CSMD1: variants seen among roughly 807,000 people sequenced by gnomAD.
CSMD1 encodes CUB and Sushi multiple domains 1.
In CSMD1, 213 loss-of-function variants were observed where a neutral mutation model predicts 417.5. The ratio of observed to expected loss-of-function variants is 0.51; its 90% CI spans 0.46 to 0.57. The LOEUF is 0.57. Among genes scored for constraint, CSMD1 ranks in the 20% least tolerant of loss-of-function variants. CSMD1 has a pLI of 0.00. For synonymous variants in CSMD1, 2,862 were observed against 1,736.8 expected, an observed-to-expected ratio of 1.65 and a Z score of -16.11; for missense variants, 6,923 against 4,529.7, an observed-to-expected ratio of 1.53 and a Z score of -15.17.
At chr8:3,503,055 A>G (rs1051984948) in intron 10 of CSMD1, among the ~76,000 whole-genome samples, 2 of 152,202 alleles carry the variant, frequency 1.3e-5, no homozygotes, top group Non-Finnish European at 2.9e-5. Flanking sequence ...CTCTAAAAAT[A>G]AAACCTAATA....
intron 7 of CSMD1, among the ~76,000 whole-genome samples, chr8:3,634,053 A>C (rs1409586268): frequency 2.7e-5 from 4 of 149,648 alleles, no homozygotes; most frequent in Admixed American, 6.6e-5. Context: ...GGGCTGACTC[A>C]GCACATCTGG....
At chr8:4,416,337 A>C (rs775968968) in intron 3 of CSMD1, among the ~76,000 whole-genome samples, 1 of 152,168 alleles carries the variant, frequency 6.6e-6, no homozygotes, top group Non-Finnish European at 1.5e-5. Flanking sequence ...TAAAAAGTCA[A>C]CCTAAATTAT....
At chr8:4,815,357 C>T (rs960021525) in intron 1 of CSMD1, among the ~76,000 whole-genome samples, 3 of 152,076 alleles carry the variant, frequency 2.0e-5, no homozygotes, top group Middle Eastern at 3.2e-3. Flanking sequence ...GTGGACAGAG[C>T]CAGCTTGTGG....
intron 3 of CSMD1, among the ~76,000 whole-genome samples, chr8:4,200,375 T>C (rs143225655): frequency 1.6e-3 from 249 of 152,154 alleles, no homozygotes; most frequent in African/African-American, 5.3e-3. Flanking sequence ...TTAAAAGAAA[T>C]ACAACTTTAA....
At chr8:3,615,645 C>A (rs1188759051) in intron 8 of CSMD1, among the ~76,000 whole-genome samples, 1 of 152,148 alleles carries the variant, frequency 6.6e-6, no homozygotes, top group African/African-American at 2.4e-5. Context: ...TTTAAAACGA[C>A]CGTTGTTACT....
intron 2 of CSMD1, among the ~76,000 whole-genome samples, chr8:4,512,715 G>C (rs951858857): frequency 2.0e-4 from 31 of 151,332 alleles, no homozygotes; most frequent in Admixed American, 9.9e-4. Flanking sequence ...GAAATACTTA[G>C]ATATAAATCT....
chr8:3,671,927 G>C (rs1200208044), intron 7 of CSMD1, among the ~76,000 whole-genome samples: 1 of 152,048 alleles, frequency 6.6e-6, no homozygotes, highest in Non-Finnish European at 1.5e-5. Context: ...TAGCCTGCTG[G>C]TCATTTTTGA....
At chr8:3,047,566 A>G (rs536112515) in intron 50 of CSMD1, among the ~76,000 whole-genome samples, 2 of 152,190 alleles carry the variant, frequency 1.3e-5, no homozygotes, top group South Asian at 4.1e-4. Context: ...TGCCCATGGA[A>G]CTCACCATCT....
At chr8:3,258,547 G>A (rs1049105542) in intron 26 of CSMD1, among the ~76,000 whole-genome samples, 1 of 152,146 alleles carries the variant, frequency 6.6e-6, no homozygotes, top group Non-Finnish European at 1.5e-5. Context: ...ATTCCTCAAA[G>A]ACCTAAAGAC....
intron 1 of CSMD1, among the ~76,000 whole-genome samples, chr8:4,749,432 C>T (rs946796271): frequency 2.0e-5 from 3 of 152,096 alleles, no homozygotes; most frequent in Non-Finnish European, 2.9e-5. Context: ...GAGGTATTGC[C>T]GTTTGGCCAT....
intron 40 of CSMD1, among the ~76,000 whole-genome samples, chr8:3,143,143 A>G (rs572691555): frequency 1.3e-5 from 2 of 152,318 alleles, no homozygotes; most frequent in East Asian, 1.9e-4. Context: ...AAAACATGCC[A>G]CAGAGTTTTT....
intron 3 of CSMD1, among the ~76,000 whole-genome samples, chr8:4,041,015 T>C (rs531993797): frequency 7.9e-6 from 1 of 126,190 alleles, no homozygotes; most frequent in South Asian, 2.4e-4. Context: ...TTTTTTTTTT[T>C]CCTTTTTTTT....
chr8:4,023,583 C>CT (rs35976423), intron 4 of CSMD1, among the ~76,000 whole-genome samples: 33,395 of 130,406 alleles, frequency 0.26, 4,676 homozygotes, highest in East Asian at 0.39. Flanking sequence ...TGCTTTTCAA[C>CT]TTTTTTTTTT....
chr8:4,815,664 C>G (rs573229988), intron 1 of CSMD1, among the ~76,000 whole-genome samples: 36 of 137,102 alleles, frequency 2.6e-4, no homozygotes, highest in South Asian at 1.8e-3. Context: ...CCATTGCATT[C>G]CAGCCTGGGC....
chr8:3,275,295 T>A (rs1222479164), intron 26 of CSMD1, among the ~76,000 whole-genome samples: 1 of 152,212 alleles, frequency 6.6e-6, no homozygotes, highest in Non-Finnish European at 1.5e-5. Context: ...TGTCAAGAGA[T>A]CTGCTGTTAG....
chr8:3,780,809 C>G (rs1799136369), intron 5 of CSMD1, among the ~76,000 whole-genome samples: 1 of 152,158 alleles, frequency 6.6e-6, no homozygotes, highest in Non-Finnish European at 1.5e-5. Context: ...TCAGCTGGCC[C>G]TAGTGCTTTG....
intron 5 of CSMD1, among the ~76,000 whole-genome samples, chr8:3,769,610 T>G (rs530634669): frequency 6.6e-6 from 1 of 152,212 alleles, no homozygotes; most frequent in African/African-American, 2.4e-5. Flanking sequence ...AAGTATCTAT[T>G]TATACATCAT....
intron 3 of CSMD1, among the ~76,000 whole-genome samples, chr8:4,190,585 C>G (rs1273495602): frequency 2.0e-5 from 3 of 151,266 alleles, no homozygotes; most frequent in African/African-American, 7.3e-5. Flanking sequence ...GATCTATTCC[C>G]ATGTTTATAA....
intron 5 of CSMD1, among the ~76,000 whole-genome samples, chr8:3,780,536 G>A (rs1045380227): frequency 3.0e-4 from 46 of 152,244 alleles, no homozygotes; most frequent in African/African-American, 1.1e-3. Context: ...TGAATTGGAT[G>A]GGTAATGAGC....
Sources: gnomAD v4.1 joint callset for allele counts (sites outside exome capture counted in the v4.1 genomes callset) on GRCh38, gnomAD v4.1.1 for gene constraint, MANE v1.5 for transcripts, NCBI Gene and HGNC (gene_info 2026-07-23, HGNC 2026-07-21) for gene names.